Variants in XYLT1 observed in about 807,000 individuals in gnomAD.
The protein encoded by XYLT1 is xylosyltransferase 1.
XYLT1 carries 36 observed loss-of-function variants against 91.3 expected under a neutral mutation model. The ratio of observed to expected loss-of-function variants is 0.39; its 90% CI spans 0.30 to 0.52. The LOEUF (loss-of-function observed/expected upper bound fraction) is 0.52. Among genes scored for constraint, XYLT1 ranks in the 20% least tolerant of loss-of-function variants. The pLI, the probability that XYLT1 is intolerant of heterozygous loss-of-function variation, is 0.68. For synonymous variants in XYLT1, 588 were observed against 532.0 expected, an observed-to-expected ratio of 1.11 and a Z score of -1.45; for missense variants, 1,242 against 1,284.5, an observed-to-expected ratio of 0.97 and a Z score of 0.51.
intron 10 of XYLT1, among the ~76,000 whole-genome samples, chr16:17,126,835 A>G (rs1182056602): frequency 2.6e-5 from 4 of 152,162 alleles, no homozygotes; most frequent in African/African-American, 9.7e-5. Flanking sequence ...CATTCATTCA[A>G]AAGTCTTACT....
rs558184406 is a variant in XYLT1, at chr16:17,216,238, C to T, written c.914-15584G>A. Among the ~76,000 whole-genome samples, 30 of 152,032 alleles carry T rather than the reference C, an allele frequency of 2.0e-4. No homozygotes were observed. In the South Asian group the frequency reaches 5.4e-3, roughly 27 times the overall value. ...TAAATACTGCCATGGAAAAACGCAG[C>T]GACTCATCTATTTTTATTACAAATG... is the stretch of plus-strand genomic sequence containing the variant. On this transcript the variant is annotated intron_variant, in intron 3 of 11. Coordinates refer to ENST00000261381, the MANE Select transcript of XYLT1 (RefSeq NM_022166.4).
At chr16:17,233,155 A>C (rs150834506) in intron 3 of XYLT1, among the ~76,000 whole-genome samples, 1 of 151,924 alleles carries the variant, frequency 6.6e-6, no homozygotes, top group African/African-American at 2.4e-5. Context: ...CCTCTCCCCA[A>C]CTCCACAGGA....
At chr16:17,223,583 A>G (rs2033011369) in intron 3 of XYLT1, among the ~76,000 whole-genome samples, 1 of 152,246 alleles carries the variant, frequency 6.6e-6, no homozygotes, top group African/African-American at 2.4e-5. Flanking sequence ...GGTGCAGAAG[A>G]GCACGGTGAC....
chr16:17,126,022 C>A (rs758206978), intron 10 of XYLT1, among the ~76,000 whole-genome samples: 1 of 152,344 alleles, frequency 6.6e-6, no homozygotes, highest in South Asian at 2.1e-4. Flanking sequence ...CCAAGGAGAT[C>A]CTAAATAGCC....
rs373354877 is a variant in XYLT1, at chr16:17,379,763, T to TCTTTCTCACACACACACA, written c.364-21714_364-21713insTGTGTGTGTGTGAGAAAG. 2.0e-3 allele frequency among the ~76,000 whole-genome samples: 246 copies of TCTTTCTCACACACACACA among 125,600 alleles called. 1 individual carries two copies. The highest frequency in any genetic ancestry group is 7.3e-3 in the African/African-American group (231 of 31,738). The allele number at this position is 125,600 out of a possible 152,430, so 82.4% of individuals were successfully genotyped here. A position where few individuals can be genotyped will look rare whatever the true frequency, so the allele number is the denominator to read the frequency against. On this transcript the variant is annotated intron_variant, in intron 1 of 11. Transcript: ENST00000261381. The stretch of plus-strand genomic sequence containing the variant: ...CTCTCTCTCTCTCTCTCTCTCTCTC[T>TCTTTCTCACACACACACA]CACACACACACACACACACACACAC...
At chr16:17,201,328 A>G (rs957109330) in intron 3 of XYLT1, among the ~76,000 whole-genome samples, 3 of 152,178 alleles carry the variant, frequency 2.0e-5, no homozygotes, top group African/African-American at 7.2e-5. Context: ...TCAGGGGTGG[A>G]CCTACAGCTT....
chr16:17,345,308 G>A (rs545511831), intron 2 of XYLT1, among the ~76,000 whole-genome samples: 41 of 152,324 alleles, frequency 2.7e-4, no homozygotes, highest in South Asian at 2.3e-3. Context: ...ATTTCAACTC[G>A]TGCTGCTTCC....
chr16:17,273,064 G>A (rs1479778711), intron 2 of XYLT1, among the ~76,000 whole-genome samples: 6 of 152,160 alleles, frequency 3.9e-5, no homozygotes, highest in African/African-American at 1.4e-4. Context: ...CCTGCATCCT[G>A]CACATCTTCT....
At chr16:17,377,576 C>T (rs1290887453) in intron 1 of XYLT1, among the ~76,000 whole-genome samples, 1 of 151,794 alleles carries the variant, frequency 6.6e-6, no homozygotes, top group African/African-American at 2.4e-5. Context: ...CAAACACATT[C>T]CCATCAGGAA....
chr16:17,217,816 C>T (rs1456786332), intron 3 of XYLT1, among the ~76,000 whole-genome samples: 5 of 151,996 alleles, frequency 3.3e-5, no homozygotes, highest in Non-Finnish European at 7.4e-5. Flanking sequence ...GGTCTATAGA[C>T]CTTTCCAAAG....
chr16:17,345,735 C>T (rs1035924401), intron 2 of XYLT1, among the ~76,000 whole-genome samples: 1 of 152,208 alleles, frequency 6.6e-6, no homozygotes, highest in Admixed American at 6.5e-5. Context: ...TGTTCTGTTG[C>T]TTAATGCACG....
chr16:17,306,490 G>C lies in XYLT1; in HGVS notation c.403-46992C>G, dbSNP rs188967069. On this transcript the variant is annotated intron_variant, in intron 2 of 11. Coordinates refer to ENST00000261381, the MANE Select transcript of XYLT1 (RefSeq NM_022166.4). ...GAATGGCTTGAACCCAGGAGGCAGGGGCTGCAGTGAGCTGAGATCACACCA... is the reference window on the plus strand; with the variant it reads ...GAATGGCTTGAACCCAGGAGGCAGGCGCTGCAGTGAGCTGAGATCACACCA... 4.7e-4 allele frequency among the ~76,000 whole-genome samples: 71 copies of C among 151,932 alleles called. 1 individual carries two copies. The East Asian group carries it at 0.013, about 28-fold the overall frequency.
chr16:17,294,294 C>T (rs916216753), intron 2 of XYLT1, among the ~76,000 whole-genome samples: 1 of 152,142 alleles, frequency 6.6e-6, no homozygotes, highest in Non-Finnish European at 1.5e-5. Context: ...TGTCCAAGGA[C>T]CAGGCATCTC....
intron 1 of XYLT1, among the ~76,000 whole-genome samples, chr16:17,415,724 T>C (rs900790623): frequency 3.3e-5 from 5 of 151,274 alleles, no homozygotes; most frequent in Middle Eastern, 6.8e-3. Flanking sequence ...CAGAAATAAA[T>C]GGAGAGTTCA....
At chr16:17,240,754 A>G (rs1439091946) in intron 3 of XYLT1, among the ~76,000 whole-genome samples, 1 of 152,218 alleles carries the variant, frequency 6.6e-6, no homozygotes, top group African/African-American at 2.4e-5. Context: ...CACCTACTCT[A>G]CAAGCACCAG....
At chr16:17,291,102 CT>C (rs919420889) in intron 2 of XYLT1, among the ~76,000 whole-genome samples, 2 of 152,034 alleles carry the variant, frequency 1.3e-5, no homozygotes, top group African/African-American at 4.8e-5. Context: ...ACCTGGTTAA[CT>C]TTTTTTTGGC....
chr16:17,452,874 CAT>C (rs1217264718), intron 1 of XYLT1, among the ~76,000 whole-genome samples: 2 of 152,076 alleles, frequency 1.3e-5, no homozygotes, highest in African/African-American at 2.4e-5. Flanking sequence ...CACACACACA[CAT>C]ACACACACAC....
chr16:17,178,077 G>A (rs2031983640), intron 5 of XYLT1, among the ~76,000 whole-genome samples: 2 of 111,512 alleles, frequency 1.8e-5, no homozygotes, highest in Admixed American at 8.8e-5. Flanking sequence ...AGAGAAGGCT[G>A]GGTGGTAAGA....
At position 17,339,888 on chromosome 16, in the gene XYLT1, TCATC is replaced by T. The variant is rs200047650; in HGVS notation, c.402+18120_402+18123del. Reference sequence around the variant, plus strand: ...CTCCCTTCCATCTGTGTATCCATCATCATCCATCCATCACCTATCCATCCATCCA... The same window carrying T: ...CTCCCTTCCATCTGTGTATCCATCATCATCCATCACCTATCCATCCATCCA... On this transcript the variant is annotated intron_variant, in intron 2 of 11. Coordinates refer to ENST00000261381, the MANE Select transcript of XYLT1 (RefSeq NM_022166.4). Among the ~76,000 whole-genome samples the T allele has an allele frequency of 4.9e-3, 741 of 151,968 alleles. 20 individuals carry two copies. The highest frequency in any genetic ancestry group is 0.044 in the Admixed American group (673 of 15,222).
Sources: allele counts gnomAD v4.1 joint callset (sites outside exome capture counted in the v4.1 genomes callset), GRCh38; gene constraint gnomAD v4.1.1; transcripts MANE v1.5; gene names NCBI Gene and HGNC (gene_info 2026-07-23, HGNC 2026-07-21).